TNXB: variants seen among roughly 807,000 people sequenced by gnomAD.
TNXB encodes the protein tenascin XB.
Under a neutral mutation model 340.5 loss-of-function variants are expected in TNXB, and 183 were observed. The observed-to-expected ratio is 0.54, with a 90% CI of 0.48 to 0.61. The LOEUF (loss-of-function observed/expected upper bound fraction) is 0.61. TNXB is among the 20% of genes least tolerant of loss of function. The pLI is 0.00. For missense variants in TNXB, 4,613 were observed against 5,446.4 expected (o/e 0.85, Z 4.82); for synonymous variants, 2,121 against 2,314.5 (o/e 0.92, Z 2.40).
rs1226434737 is a variant in TNXB at position 32,089,234 on chromosome 6, G to T, written c.2504C>A (p.Thr835Asn). 8.1e-6 allele frequency: 13 copies of T among 1,602,826 alleles called. No individual in the cohort carries two copies. The highest frequency in any genetic ancestry group is 1.1e-5 in the Non-Finnish European group (13 of 1,175,120). The part of the protein sequence containing the change: ...GTSWGLPASK[T>N]ITTMIDGPQD... ...GCCCCAGCTCTCACTGGTGGTGATG[G>T]TCTTGGAGGCAGGAAGGCCCCAGCT... The change falls in exon 5 of 44, where the codon ACC (threonine) becomes AAC (asparagine). Residue 835 changes from threonine to asparagine, a missense_variant. Thr to Asn is a moderately conservative substitution (Grantham distance 65). Coordinates refer to ENST00000644971, the MANE Select transcript of TNXB (RefSeq NM_001365276.2). This position sits in a 1 kb window ranked among gnomAD's most constrained non-coding sequence, Gnocchi z 6.2.
At position 32,067,839 on chromosome 6, in the gene TNXB, G is replaced by A. The variant is rs753403637; in HGVS notation, c.6366C>T (p.Phe2122=). Residue 2122 remains phenylalanine (F), a synonymous_variant, in exon 18 of 44, where the codon TTC becomes TTT. Transcript: ENST00000644971. The surrounding 1 kb of genome is among the most constrained non-coding windows in gnomAD (Gnocchi z 4.2). ...SLSWTVPQGR[F]DSFTVQYKDR... is the part of the protein sequence containing the mutation. ...CCTTGTACTGCACGGTGAAGGAGTC[G>A]AAGCGGCCCTGGGGGACGGTCCAGG... 4 of 1,612,976 alleles carry A rather than the reference G, an allele frequency of 2.5e-6. No homozygotes were observed. Among genetic ancestry groups the A allele is most frequent in the African/African-American group, 2.7e-5 (2 of 74,872 alleles).
At position 32,072,304 on chromosome 6, in the gene TNXB, A is replaced by T; in HGVS notation, c.4682-6T>A. 1 of 1,589,588 alleles carries T rather than the reference A, an allele frequency of 6.3e-7. No individual in the cohort carries two copies. Among genetic ancestry groups the T allele is most frequent in the Non-Finnish European group, 8.6e-7 (1 of 1,166,034 alleles). On this transcript the variant is annotated splice_region_variant and splice_polypyrimidine_tract_variant and intron_variant, in intron 12 of 43. Transcript: ENST00000644971. This position sits in a 1 kb window ranked among gnomAD's most constrained non-coding sequence, Gnocchi z 4.4. ...TGGGGCTGGTGGGAGGGGAGCTGGGATTTGGGAAGACAAAGAACATGGTTG... is the reference window on the plus strand; with the variant it reads ...TGGGGCTGGTGGGAGGGGAGCTGGGTTTTGGGAAGACAAAGAACATGGTTG...
In TNXB at chr6:32,067,617, C is replaced by T. The variant is rs1778451547; in HGVS notation, c.6544+44G>A. 1 of 1,590,208 alleles carries T rather than the reference C, an allele frequency of 6.3e-7. No homozygotes were observed. The highest frequency in any genetic ancestry group is 1.1e-5 in the South Asian group (1 of 89,240). ...AGTGGAGGAGATGCTGGAGGCTGTA[C>T]TTTGCTAAGACCCAACCCAGAGGGC... On this transcript the variant is annotated intron_variant, in intron 18 of 43. Transcript: ENST00000644971. This position sits in a 1 kb window ranked among gnomAD's most constrained non-coding sequence, Gnocchi z 4.2.
rs149376928 is a variant in TNXB, at chr6:32,068,475, C to T, written c.6135G>A (p.Leu2045=). 1.9e-6 allele frequency: 3 copies of T among 1,613,794 alleles called. No individual in the cohort carries two copies. The highest frequency in any genetic ancestry group is 1.7e-6 in the Non-Finnish European group (2 of 1,179,918). ...GHEEGVTISG[L]EPDHKYKMNL... ...TCATCTTGTATTTATGGTCTGGCTC[C>T]AGGCCCGAGATGGTGACCCCTTCCT... The change falls in exon 17 of 44, where the codon CTG becomes CTA. Residue 2045 remains leucine, a synonymous_variant. Coordinates refer to ENST00000644971, the MANE Select transcript of TNXB (RefSeq NM_001365276.2). This position sits in a 1 kb window ranked among gnomAD's most constrained non-coding sequence, Gnocchi z 5.3.
chr6:32,078,904 T>C, intron 11 of TNXB, 129 bp downstream of exon 11: 1 of 1,004,484 alleles, frequency 1.0e-6, no homozygotes, highest in South Asian at 1.7e-5. Context: ...CCCAGTGACA[T>C]GCTCTTTCTA....
At chr6:32,048,970 T>C (rs142699171) in intron 28 of TNXB, among the ~76,000 whole-genome samples, 82 of 152,330 alleles carry the variant, frequency 5.4e-4, no homozygotes, top group Middle Eastern at 3.4e-3. Flanking sequence ...TCTGAAGCAC[T>C]TTCTGAGCCA....
rs747215615 is a variant in TNXB at position 32,096,356 on chromosome 6, G to T, written c.1497C>A (p.Gly499=). Residue 499 remains glycine, a synonymous_variant, in exon 3 of 44, where the codon GGC becomes GGA. Coordinates refer to ENST00000644971, the MANE Select transcript of TNXB (RefSeq NM_001365276.2). ...GRDCGTRACP[G]DCRGRGRCVD... is the part of the protein sequence containing the mutation. ...CGCAGCGCCCGCGCCCGCGACAGTC[G>T]CCAGGACAGGCGCGCGTGCCGCAGT... The T allele has an allele frequency of 1.0e-5, 16 of 1,543,964 alleles. No individual in the cohort carries two copies. Among genetic ancestry groups the T allele is most frequent in the Non-Finnish European group, 1.7e-6 (2 of 1,151,590 alleles).
In TNXB at chr6:32,067,653, A is replaced by T. The variant is rs150379644; in HGVS notation, c.6544+8T>A. ...CCCAACCCAGAGGGCTCTGCAGTGC[A>T]CACTCACCCGTGACGCCCACAGCAG... On this transcript the variant is annotated splice_region_variant and intron_variant, in intron 18 of 43. Coordinates refer to ENST00000644971, the MANE Select transcript of TNXB (RefSeq NM_001365276.2). The surrounding 1 kb of genome is among the most constrained non-coding windows in gnomAD (Gnocchi z 4.2). 6,088 of 1,612,232 alleles carry T rather than the reference A, an allele frequency of 3.8e-3. 24 individuals carry two copies. Among genetic ancestry groups the T allele is most frequent in the South Asian group, 4.9e-3 (446 of 91,016 alleles).
rs2151907848 is a variant in TNXB, at chr6:32,062,087, A to G, written c.7168+70T>C. 6.6e-7 allele frequency: 1 copy of G among 1,522,146 alleles called. No homozygotes were observed. The highest frequency in any genetic ancestry group is 1.4e-5 in the African/African-American group (1 of 73,104). The allele number at this position is 1,522,146 out of a possible 1,614,324, so 94.3% of individuals were successfully genotyped here. ...GACCAGACCCGTCCCATTCCCCACC[A>G]GTCATCACCAAAGAGCAAGAGGGTG... On this transcript the variant is annotated intron_variant, in intron 20 of 43. Transcript: ENST00000644971. This position sits in a 1 kb window ranked among gnomAD's most constrained non-coding sequence, Gnocchi z 4.3.
chr6:32,083,220 C>A lies in TNXB; in HGVS notation c.3446-894G>T, dbSNP rs939821058. Among the ~76,000 whole-genome samples, 2 of 152,168 alleles carry A rather than the reference C, an allele frequency of 1.3e-5. No homozygotes were observed. Among genetic ancestry groups the A allele is most frequent in the African/African-American group, 4.8e-5 (2 of 41,438 alleles). On this transcript the variant is annotated intron_variant, in intron 8 of 43. Transcript: ENST00000644971. This position sits in a 1 kb window ranked among gnomAD's most constrained non-coding sequence, Gnocchi z 4.6. ...CAGCACCCTCCCTGGTTCTGCCCCTCCCTGCAAGTCACTCCGCAAGCTACC... is the reference window on the plus strand; with the variant it reads ...CAGCACCCTCCCTGGTTCTGCCCCTACCTGCAAGTCACTCCGCAAGCTACC...
chr6:32,074,433 G>A lies in TNXB; in HGVS notation c.4376-481C>T, dbSNP rs1778967092. Reference sequence around the variant, plus strand: ...CACTAGGTCCCTGCTCGGTGTCTGAGGCTGCATTTGTTGGGGGAGAAGAGT... The same window carrying A: ...CACTAGGTCCCTGCTCGGTGTCTGAAGCTGCATTTGTTGGGGGAGAAGAGT... On this transcript the variant is annotated intron_variant, in intron 11 of 43. Coordinates refer to ENST00000644971, the MANE Select transcript of TNXB (RefSeq NM_001365276.2). This position sits in a 1 kb window ranked among gnomAD's most constrained non-coding sequence, Gnocchi z 5.5. Among the ~76,000 whole-genome samples the A allele has an allele frequency of 1.3e-5, 2 of 152,220 alleles. No homozygotes were observed. The highest frequency in any genetic ancestry group is 2.9e-5 in the Non-Finnish European group (2 of 68,044).
intron 4 of TNXB, chr6:32,093,561 GTTGT>G (rs1780177100): frequency 5.8e-6 from 3 of 517,320 alleles, no homozygotes; most frequent in African/African-American, 5.7e-5. Context: ...GGCCCAGGGA[GTTGT>G]TTATTTTTAC....
In TNXB at chr6:32,053,304, G is replaced by A. The variant is rs780698704; in HGVS notation, c.8791+84C>T. On this transcript the variant is annotated intron_variant, in intron 25 of 43. Transcript: ENST00000644971. ...ACCATGGCTCAGCCAAGAGCAGAGG[G>A]GCTTCCTGGGCCAGTTCACCCATCA... The A allele has an allele frequency of 4.0e-5, 62 of 1,534,490 alleles. No homozygotes were observed. In the African/African-American group the frequency reaches 5.9e-4, roughly 15 times the overall value.
In TNXB at chr6:32,083,287, T is replaced by G. The variant is rs1403584743; in HGVS notation, c.3446-961A>C. On this transcript the variant is annotated intron_variant, in intron 8 of 43. Transcript: ENST00000644971. The surrounding 1 kb of genome is among the most constrained non-coding windows in gnomAD (Gnocchi z 4.6). ...CTCTGCCTCCGCTGTGAGTGTAGGC[T>G]GTCGACAGGGTTCCAGTGGCCCTGT... Among the ~76,000 whole-genome samples, 2 of 152,088 alleles carry G rather than the reference T, an allele frequency of 1.3e-5. No individual in the cohort carries two copies. Among genetic ancestry groups the G allele is most frequent in the Admixed American group, 1.3e-4 (2 of 15,268 alleles).
rs1233319462 is a variant in TNXB, at chr6:32,055,836, C to G, written c.8467+15G>C. The G allele has an allele frequency of 6.2e-7, 1 of 1,601,954 alleles. No homozygotes were observed. The highest frequency in any genetic ancestry group is 1.3e-5 in the African/African-American group (1 of 74,716). ...ACATCTTCTAGGGCCATCTTCCTCA[C>G]TCACAAACACTCACCTGTCACACCC... On this transcript the variant is annotated intron_variant, in intron 24 of 43. Transcript: ENST00000644971.
At position 32,067,563 on chromosome 6, in the gene TNXB, G is replaced by C. The variant is rs1264737843; in HGVS notation, c.6544+98C>G. ...CCTTTAGTGAACAGGGTGTATTACAGGTTTGAGGTCTTGGGGTTCTGGGTC... is the reference window on the plus strand; with the variant it reads ...CCTTTAGTGAACAGGGTGTATTACACGTTTGAGGTCTTGGGGTTCTGGGTC... On this transcript the variant is annotated intron_variant, in intron 18 of 43. Transcript: ENST00000644971. This position sits in a 1 kb window ranked among gnomAD's most constrained non-coding sequence, Gnocchi z 4.2. 2.8e-6 allele frequency: 4 copies of C among 1,452,318 alleles called. No individual in the cohort carries two copies. In the Admixed American group the frequency reaches 9.6e-5, roughly 35 times the overall value. The allele number at this position is 1,452,318 out of a possible 1,614,324, so 90.0% of individuals were successfully genotyped here. A position where few individuals can be genotyped will look rare whatever the true frequency, so the allele number is the denominator to read the frequency against.
At position 32,079,255 on chromosome 6, in the gene TNXB, G is replaced by T; in HGVS notation, c.4153C>A (p.Pro1385Thr). Reference protein sequence around the residue: ...LGELTVTGSSPDSLSLFWTVP... With the variant: ...LGELTVTGSSTDSLSLFWTVP... ...GTCCAGAAGAGGCTCAGCGAATCAG[G>T]GGAGGATCCTGTCACTGTCAGCTCC... Residue 1385 changes from proline (P) to threonine (T), a missense_variant, in exon 11 of 44, where the codon CCT becomes ACT. By Grantham distance (38) the Pro-to-Thr change is conservative (BLOSUM62 -1). Transcript: ENST00000644971. The surrounding 1 kb of genome is among the most constrained non-coding windows in gnomAD (Gnocchi z 7.1). 6.2e-7 allele frequency: 1 copy of T among 1,613,614 alleles called. No individual in the cohort carries two copies. Among genetic ancestry groups the T allele is most frequent in the Non-Finnish European group, 8.5e-7 (1 of 1,179,860 alleles).
At position 32,079,435 on chromosome 6, in the gene TNXB, A is replaced by G. The variant is rs1779314937; in HGVS notation, c.4043-70T>C. 20 of 1,312,816 alleles carry G rather than the reference A, an allele frequency of 1.5e-5. No individual in the cohort carries two copies. The highest frequency in any genetic ancestry group is 1.6e-5 in the Non-Finnish European group (15 of 953,598). 81.3% of individuals were successfully genotyped at this position (1,312,816 alleles called of 1,614,324 possible). A position where few individuals can be genotyped will look rare whatever the true frequency, so the allele number is the denominator to read the frequency against. On this transcript the variant is annotated intron_variant, in intron 10 of 43. Coordinates refer to ENST00000644971, the MANE Select transcript of TNXB (RefSeq NM_001365276.2). The surrounding 1 kb of genome is among the most constrained non-coding windows in gnomAD (Gnocchi z 7.1). ...TGCTGCCCACAGATGACAGCCATGGAAATGCCCTTACGCTGTGGGCTCAGG... is the reference window on the plus strand; with the variant it reads ...TGCTGCCCACAGATGACAGCCATGGGAATGCCCTTACGCTGTGGGCTCAGG...
rs943899899 is a variant in TNXB, at chr6:32,084,140, C to T, written c.3445+273G>A. Among the ~76,000 whole-genome samples, 5 of 152,170 alleles carry T rather than the reference C, an allele frequency of 3.3e-5. No homozygotes were observed. Among genetic ancestry groups the T allele is most frequent in the African/African-American group, 1.2e-4 (5 of 41,432 alleles). On this transcript the variant is annotated intron_variant, in intron 8 of 43. Coordinates refer to ENST00000644971, the MANE Select transcript of TNXB (RefSeq NM_001365276.2). This position sits in a 1 kb window ranked among gnomAD's most constrained non-coding sequence, Gnocchi z 5.5. ...AGCCCTGAGACCAGGCCCTTTGGCA[C>T]CCCCCACATGCCCTGTTCTCCAGCC... is the stretch of plus-strand genomic sequence containing the variant.
Sources: allele counts gnomAD v4.1 joint callset (sites outside exome capture counted in the v4.1 genomes callset), GRCh38; gene constraint gnomAD v4.1.1; non-coding constraint Gnocchi (gnomAD v3.1); transcripts MANE v1.5; gene names NCBI Gene and HGNC (gene_info 2026-07-23, HGNC 2026-07-21).